The following INPP4B variants were observed in gnomAD, a reference collection of about 807,000 sequenced individuals.
The protein encoded by INPP4B is inositol polyphosphate 4-phosphatase type II.
A neutral mutation model predicts 122.5 loss-of-function variants in INPP4B; 55 were observed. The ratio of observed to expected loss-of-function variants is 0.45; its 90% CI spans 0.36 to 0.56. The LOEUF is 0.56. INPP4B is among the 20% of genes least tolerant of loss of function. The pLI is 0.00. For synonymous variants in INPP4B, 403 were observed against 388.7 expected (o/e 1.04, Z -0.43); for missense variants, 1,000 against 1,097.7 (o/e 0.91, Z 1.26).
In INPP4B at chr4:142,027,750, A is replaced by ACTT. The variant is rs1737458308; in HGVS notation, c.*1029_*1031dup. Reference sequence around the variant, plus strand: ...AACTTCTACTTTGGGATTTTGGAAAACTTATAAATGTTATTTTGCTGAGTA... The same window carrying ACTT: ...AACTTCTACTTTGGGATTTTGGAAAACTTCTTATAAATGTTATTTTGCTGAGTA... On this transcript the variant is annotated 3_prime_UTR_variant, in exon 26 of 26. Coordinates refer to ENST00000262992, the MANE Select transcript of INPP4B (RefSeq NM_001101669.3). 1.9e-5 allele frequency: 3 copies of ACTT among 154,844 alleles called. No individual in the cohort carries two copies. The highest frequency in any genetic ancestry group is 4.8e-5 in the African/African-American group (2 of 41,626). 9.6% of individuals were successfully genotyped at this position (154,844 alleles called of 1,614,324 possible).
At chr4:142,211,875 A>G (rs1481172645) in intron 12 of INPP4B, among the ~76,000 whole-genome samples, 1 of 152,154 alleles carries the variant, frequency 6.6e-6, no homozygotes, top group Non-Finnish European at 1.5e-5. Context: ...AACTACTGTG[A>G]ATCCTTCCAT....
intron 25 of INPP4B, among the ~76,000 whole-genome samples, chr4:142,064,435 G>T (rs1030863286): frequency 6.6e-6 from 1 of 151,994 alleles, no homozygotes; most frequent in African/African-American, 2.4e-5. Context: ...CAGTGGTCTC[G>T]GTTGCCATTT....
chr4:142,072,885 T>A (rs1340532032), intron 25 of INPP4B, among the ~76,000 whole-genome samples: 1 of 152,094 alleles, frequency 6.6e-6, no homozygotes, highest in African/African-American at 2.4e-5. Context: ...TTTATATATG[T>A]TGTTTCATTT....
chr4:142,270,976 T>G (rs1346042155), intron 9 of INPP4B, among the ~76,000 whole-genome samples: 1 of 152,024 alleles, frequency 6.6e-6, no homozygotes, highest in African/African-American at 2.4e-5. Context: ...TTTTTCTTTT[T>G]TTTTGAGATC....
At chr4:142,764,447 T>A (rs1771784922) in intron 1 of INPP4B, among the ~76,000 whole-genome samples, 1 of 152,000 alleles carries the variant, frequency 6.6e-6, no homozygotes, top group South Asian at 2.1e-4. Flanking sequence ...TGGGCTGACA[T>A]CAAAGAAGTT....
At chr4:142,604,958 A>C (rs963612288) in intron 2 of INPP4B, among the ~76,000 whole-genome samples, 1 of 152,140 alleles carries the variant, frequency 6.6e-6, no homozygotes, top group Non-Finnish European at 1.5e-5. Flanking sequence ...ACACTACCTA[A>C]TTTCAAAACC....
chr4:142,398,404 ATATATAT>A (rs1562011009), intron 7 of INPP4B, among the ~76,000 whole-genome samples: 114 of 10,690 alleles, frequency 0.011, 3 homozygotes, highest in Non-Finnish European at 0.013. Flanking sequence ...AAAAAAAAAT[ATATATAT>A]ATATATATAT....
chr4:142,549,401 A>AT (rs1727433221), intron 2 of INPP4B, among the ~76,000 whole-genome samples: 1 of 152,030 alleles, frequency 6.6e-6, no homozygotes, highest in Admixed American at 6.6e-5. Context: ...TCCAGAGAAG[A>AT]TTTAGGAGAG....
chr4:142,392,853 C>T (rs1798180374), intron 7 of INPP4B, among the ~76,000 whole-genome samples: 1 of 152,148 alleles, frequency 6.6e-6, no homozygotes, highest in African/African-American at 2.4e-5. Flanking sequence ...AGGGAATTAA[C>T]AAAAAGACCA....
chr4:142,620,334 C>T (rs1033666837), intron 2 of INPP4B, among the ~76,000 whole-genome samples: 7 of 151,854 alleles, frequency 4.6e-5, no homozygotes, highest in Admixed American at 1.3e-4. Flanking sequence ...TAGAAAAGAG[C>T]GAGATTATGT....
chr4:142,845,341 T>C (rs1784054780), intron 1 of INPP4B, among the ~76,000 whole-genome samples: 1 of 152,120 alleles, frequency 6.6e-6, no homozygotes, highest in Admixed American at 6.5e-5. Flanking sequence ...TCATATCAGC[T>C]ACCAGCCTGA....
chr4:142,088,017 G>C (rs762141527), intron 23 of INPP4B, among the ~76,000 whole-genome samples: 1 of 152,176 alleles, frequency 6.6e-6, no homozygotes, highest in Non-Finnish European at 1.5e-5. Context: ...GTTTCTAAAA[G>C]AGAAAGTTGT....
chr4:142,664,258 C>T (rs1215538074), intron 2 of INPP4B, among the ~76,000 whole-genome samples: 10 of 152,118 alleles, frequency 6.6e-5, no homozygotes, highest in African/African-American at 2.4e-4. Flanking sequence ...CCAAGATGTT[C>T]CTATGCCCAA....
At chr4:142,512,361 T>C (rs1056649732) in intron 2 of INPP4B, among the ~76,000 whole-genome samples, 4 of 152,202 alleles carry the variant, frequency 2.6e-5, no homozygotes, top group African/African-American at 9.6e-5. Context: ...TCAAAGATTA[T>C]GATCTCATCT....
chr4:142,128,158 C>A (rs1319944163), intron 18 of INPP4B, among the ~76,000 whole-genome samples: 1 of 151,580 alleles, frequency 6.6e-6, no homozygotes, highest in African/African-American at 2.4e-5. Context: ...TTTATTTGGT[C>A]CTCCTGATAA....
chr4:142,577,856 C>T (rs1734190049), intron 2 of INPP4B, among the ~76,000 whole-genome samples: 1 of 151,940 alleles, frequency 6.6e-6, no homozygotes, highest in South Asian at 2.1e-4. Flanking sequence ...TTCCTTTTTA[C>T]ATGGGTTCCC....
chr4:142,489,110 C>T (rs1821545038), intron 2 of INPP4B, among the ~76,000 whole-genome samples: 1 of 152,110 alleles, frequency 6.6e-6, no homozygotes, highest in African/African-American at 2.4e-5. Flanking sequence ...TCTTCTTTGA[C>T]CCACAAATTA....
At chr4:142,351,811 T>C (rs1053513214) in intron 7 of INPP4B, among the ~76,000 whole-genome samples, 53 of 151,980 alleles carry the variant, frequency 3.5e-4, no homozygotes, top group African/African-American at 1.3e-3. Flanking sequence ...AGAGTTGGGG[T>C]TAAAATGTAT....
chr4:142,078,647 C>A (rs1199471590), intron 25 of INPP4B, among the ~76,000 whole-genome samples: 1 of 151,892 alleles, frequency 6.6e-6, no homozygotes, highest in Admixed American at 6.6e-5. Flanking sequence ...CATTTATATA[C>A]TTTTGCTCAT....
Sources: gnomAD v4.1 joint callset for allele counts (sites outside exome capture counted in the v4.1 genomes callset) on GRCh38, gnomAD v4.1.1 for gene constraint, MANE v1.5 for transcripts, NCBI Gene and HGNC (gene_info 2026-07-23, HGNC 2026-07-21) for gene names.